The following VSNL1 variants were observed in gnomAD, a reference collection of about 807,000 sequenced individuals.
VSNL1 encodes the protein visinin like 1, also known as visinin-like protein 1.
VSNL1 carries 6 observed loss-of-function variants against 20.4 expected under a neutral mutation model. The observed-to-expected ratio is 0.29, with a 90% confidence interval of 0.16 to 0.58. The LOEUF is 0.58. VSNL1 is among the 20% of genes least tolerant of loss of function. The pLI is 0.90. For synonymous variants in VSNL1, 93 were observed against 86.4 expected (o/e 1.08, Z -0.42); for missense variants, 100 against 234.5 (o/e 0.43, Z 3.75).
chr2:17,569,752 A>G (rs1664037183), intron 1 of VSNL1, among the ~76,000 whole-genome samples: 1 of 152,214 alleles, frequency 6.6e-6, no homozygotes, highest in African/African-American at 2.4e-5. Context: ...TATCCCTCAT[A>G]ATTAATTATT....
chr2:17,587,457 T>G (rs752777889), intron 1 of VSNL1, among the ~76,000 whole-genome samples: 2 of 151,922 alleles, frequency 1.3e-5, no homozygotes, highest in African/African-American at 2.4e-5. Context: ...TGCTCATGGG[T>G]GCTTCTTGGC....
At chr2:17,549,384 A>G (rs1663474917) in intron 1 of VSNL1, among the ~76,000 whole-genome samples, 1 of 152,222 alleles carries the variant, frequency 6.6e-6, no homozygotes, top group Admixed American at 6.5e-5. Flanking sequence ...ATCCAGATAG[A>G]TAGATACATA....
rs75122412 is a variant in VSNL1 at position 17,550,910 on chromosome 2, T to C, written c.-6+9992T>C. On this transcript the variant is annotated intron_variant, in intron 1 of 3. Transcript: ENST00000295156. ...TTAGCACATCTGAACACATAATCAC[T>C]GTATACATGCCAACTCTCGCATAAA... Among the ~76,000 whole-genome samples the C allele has an allele frequency of 4.6e-3, 698 of 152,334 alleles. 4 individuals carry two copies. The highest frequency in any genetic ancestry group is 0.016 in the African/African-American group (647 of 41,558).
intron 1 of VSNL1, among the ~76,000 whole-genome samples, chr2:17,569,211 G>A (rs544885661): frequency 2.0e-5 from 3 of 152,096 alleles, no homozygotes; most frequent in East Asian, 3.9e-4. Context: ...GGTGGCTGAG[G>A]CAGGAGGATT....
chr2:17,545,379 G>A (rs1188001278), intron 1 of VSNL1, among the ~76,000 whole-genome samples: 2 of 151,974 alleles, frequency 1.3e-5, no homozygotes, highest in Non-Finnish European at 2.9e-5. Context: ...ACCTCTAAGA[G>A]TGCTTTAAAA....
At chr2:17,547,168 C>T (rs936730113) in intron 1 of VSNL1, among the ~76,000 whole-genome samples, 5 of 151,894 alleles carry the variant, frequency 3.3e-5, no homozygotes, top group Admixed American at 6.6e-5. Flanking sequence ...ACAAAAATTC[C>T]CAGGGCCATA....
At position 17,546,738 on chromosome 2, in the gene VSNL1, A is replaced by G. The variant is rs575801671; in HGVS notation, c.-6+5820A>G. 2.6e-5 allele frequency among the ~76,000 whole-genome samples: 4 copies of G among 152,124 alleles called. No homozygotes were observed. In the South Asian group the frequency reaches 8.3e-4, roughly 31 times the overall value. Reference sequence around the variant, plus strand: ...TTATTAATATAATATTTTGCTTTTAATGTATCAAGTAGTGCTGCACAAGGC... The same window carrying G: ...TTATTAATATAATATTTTGCTTTTAGTGTATCAAGTAGTGCTGCACAAGGC... On this transcript the variant is annotated intron_variant, in intron 1 of 3. Coordinates refer to ENST00000295156, the MANE Select transcript of VSNL1 (RefSeq NM_003385.5).
At chr2:17,554,527 C>A (rs1422822337) in intron 1 of VSNL1, among the ~76,000 whole-genome samples, 1 of 152,040 alleles carries the variant, frequency 6.6e-6, no homozygotes, top group Non-Finnish European at 1.5e-5. Flanking sequence ...GAAGACATTA[C>A]TTTTTCTTTC....
At chr2:17,632,724 A>G (rs1665664840) in intron 2 of VSNL1, among the ~76,000 whole-genome samples, 2 of 152,222 alleles carry the variant, frequency 1.3e-5, no homozygotes, top group African/African-American at 4.8e-5. Context: ...AAGCATTGCT[A>G]TTTTCATTAA....
chr2:17,605,291 G>A (rs79738251), intron 2 of VSNL1, among the ~76,000 whole-genome samples: 8,215 of 152,266 alleles, frequency 0.054, 256 homozygotes, highest in East Asian at 0.091. Flanking sequence ...AGGGGACTAT[G>A]CCCCCTTGGT....
intron 2 of VSNL1, among the ~76,000 whole-genome samples, chr2:17,610,512 A>C (rs1665058934): frequency 6.6e-6 from 1 of 152,140 alleles, no homozygotes; most frequent in Admixed American, 6.5e-5. Flanking sequence ...AAGCACTTGC[A>C]ATCTTTTTTT....
At chr2:17,567,740 C>T (rs1021287198) in intron 1 of VSNL1, 2 of 152,000 alleles carry the variant, frequency 1.3e-5, no homozygotes, top group Non-Finnish European at 2.9e-5. Context: ...TCGTTCTAGT[C>T]TTAATTTATT....
chr2:17,635,031 A>G (rs1665721000), intron 2 of VSNL1, among the ~76,000 whole-genome samples: 1 of 152,252 alleles, frequency 6.6e-6, no homozygotes, highest in East Asian at 1.9e-4. Context: ...TGTTTTTGTC[A>G]CCATGAGGTT....
At position 17,649,070 on chromosome 2, in the gene VSNL1, G is replaced by A. The variant is rs570990767; in HGVS notation, c.163-340G>A. On this transcript the variant is annotated intron_variant, in intron 2 of 3. Transcript: ENST00000295156. This position sits in a 1 kb window ranked among gnomAD's most constrained non-coding sequence, Gnocchi z 6.4. ...CACCACCTGTGTGGGGAGAGAAACT[G>A]CTGTCTGCCTCAGTCCTGTTCCTGG... Among the ~76,000 whole-genome samples, 1 of 152,214 alleles carries A rather than the reference G, an allele frequency of 6.6e-6. No homozygotes were observed. Among genetic ancestry groups the A allele is most frequent in the African/African-American group, 2.4e-5 (1 of 41,554 alleles).
chr2:17,541,793 C>A (rs949666758), intron 1 of VSNL1: 2 of 152,186 alleles, frequency 1.3e-5, no homozygotes. Flanking sequence ...CAAGGTCAAA[C>A]CCCGGGTGGA....
chr2:17,603,424 C>A (rs972447693), intron 2 of VSNL1, among the ~76,000 whole-genome samples: 2 of 152,152 alleles, frequency 1.3e-5, no homozygotes, highest in African/African-American at 4.8e-5. Context: ...TGCACCTAGT[C>A]CCCTCCCAAA....
At chr2:17,582,371 T>G (rs1484020334) in intron 1 of VSNL1, among the ~76,000 whole-genome samples, 1 of 151,996 alleles carries the variant, frequency 6.6e-6, no homozygotes, top group Non-Finnish European at 1.5e-5. Flanking sequence ...CATGATTGGG[T>G]TTTGTGTTTT....
chr2:17,567,126 T>G (rs1442912270), intron 1 of VSNL1, among the ~76,000 whole-genome samples: 2 of 152,292 alleles, frequency 1.3e-5, no homozygotes, highest in East Asian at 3.9e-4. Flanking sequence ...ATAAAAAATA[T>G]ACTTGGGATT....
intron 2 of VSNL1, among the ~76,000 whole-genome samples, chr2:17,594,786 G>A (rs56818101): frequency 0.11 from 16,097 of 152,278 alleles, 1,055 homozygotes; most frequent in African/African-American, 0.18. Context: ...TGTTTAAGGA[G>A]GAGCAGGATA....
Sources: gnomAD v4.1 joint callset for allele counts (sites outside exome capture counted in the v4.1 genomes callset) on GRCh38, gnomAD v4.1.1 for gene constraint, Gnocchi (gnomAD v3.1) non-coding constraint, MANE v1.5 for transcripts, NCBI Gene and HGNC (gene_info 2026-07-23, HGNC 2026-07-21) for gene names.